HEXB: variants seen among roughly 807,000 people sequenced by gnomAD.
HEXB encodes the protein hexosaminidase subunit beta, also known as beta-hexosaminidase subunit beta.
A neutral mutation model predicts 71.2 loss-of-function variants in HEXB; 51 were observed. That is an observed-to-expected ratio of 0.72 (90% confidence interval 0.57 to 0.90). HEXB has a LOEUF of 0.90. Ranked by LOEUF, HEXB falls within the 40% of genes least tolerant of loss-of-function variation. The pLI is 0.00. For synonymous variants in HEXB, 266 were observed against 249.3 expected (o/e 1.07, Z -0.63); for missense variants, 617 against 677.0 (o/e 0.91, Z 0.98).
chr5:74,717,001 C>T (rs1426583190), intron 9 of HEXB, among the ~76,000 whole-genome samples: 2 of 152,072 alleles, frequency 1.3e-5, no homozygotes, highest in Admixed American at 1.3e-4. Context: ...ACCAGCCTGG[C>T]CAACATGGTG....
At chr5:74,713,133 A>G (rs1185591074) in intron 6 of HEXB, among the ~76,000 whole-genome samples, 2 of 152,204 alleles carry the variant, frequency 1.3e-5, no homozygotes, top group African/African-American at 2.4e-5. Context: ...AAACAGCATG[A>G]TAGTAGAAAC....
chr5:74,673,864 C>T (rs1237855666), intron 1 of HEXB, among the ~76,000 whole-genome samples: 4 of 152,292 alleles, frequency 2.6e-5, no homozygotes, highest in Admixed American at 1.3e-4. Flanking sequence ...CTTCAGCTCT[C>T]ACAAGGATTC....
chr5:74,700,321 C>A (rs1418052457), intron 5 of HEXB, among the ~76,000 whole-genome samples: 1 of 151,584 alleles, frequency 6.6e-6, no homozygotes. Context: ...AGTTTATTTT[C>A]TATGTTTATT....
At chr5:74,667,849 C>G (rs1748461612) in intron 1 of HEXB, among the ~76,000 whole-genome samples, 1 of 152,208 alleles carries the variant, frequency 6.6e-6, no homozygotes, top group Admixed American at 6.5e-5. Context: ...AGTCACTAAT[C>G]ATCCCTAAGT....
At chr5:74,658,540 G>T (rs1047245527) in intron 1 of HEXB, among the ~76,000 whole-genome samples, 10 of 151,984 alleles carry the variant, frequency 6.6e-5, no homozygotes, top group African/African-American at 2.4e-4. Flanking sequence ...GCTAAGATCA[G>T]CTAGGTGGGC....
intron 1 of HEXB, among the ~76,000 whole-genome samples, chr5:74,656,859 G>A (rs1200789865): frequency 3.9e-5 from 6 of 152,126 alleles, no homozygotes; most frequent in South Asian, 2.1e-4. Context: ...TGATCCACCC[G>A]CCTCAGCCTT....
At chr5:74,655,312 CTTTTTT>C (rs386404134) in intron 1 of HEXB, among the ~76,000 whole-genome samples, 3 of 125,130 alleles carry the variant, frequency 2.4e-5, no homozygotes, top group Non-Finnish European at 4.9e-5. Flanking sequence ...AAGCATTAAA[CTTTTTT>C]TTTTTTTTTT....
chr5:74,700,195 A>G (rs1749230044), intron 5 of HEXB, among the ~76,000 whole-genome samples: 1 of 150,880 alleles, frequency 6.6e-6, no homozygotes, highest in Non-Finnish European at 1.5e-5. Flanking sequence ...TTTAGTAGAG[A>G]CAGGGTTTTG....
At chr5:74,673,661 T>C (rs1481100762) in intron 1 of HEXB, among the ~76,000 whole-genome samples, 1 of 152,224 alleles carries the variant, frequency 6.6e-6, no homozygotes, top group Non-Finnish European at 1.5e-5. Context: ...TGTGATTGCA[T>C]GAGCCTTGAA....
intron 8 of HEXB, 107 bp from the exon 9 acceptor site, chr5:74,716,478 CTT>C: frequency 1.5e-6 from 1 of 660,558 alleles, no homozygotes; most frequent in Non-Finnish European, 2.7e-6. Flanking sequence ...TACCTACAAA[CTT>C]TAATAGTTTT....
Position 74,652,870 on chromosome 5 carries a change from T to A in HEXB, c.-377+12312T>A, listed in dbSNP as rs548495702. 2.6e-5 allele frequency among the ~76,000 whole-genome samples: 4 copies of A among 152,300 alleles called. No individual in the cohort carries two copies. The highest frequency in any genetic ancestry group is 7.2e-5 in the African/African-American group (3 of 41,546). On this transcript the variant is annotated intron_variant, in intron 1 of 13. Coordinates refer to the HEXB transcript ENST00000511181. The surrounding 1 kb of genome is among the most constrained non-coding windows in gnomAD (Gnocchi z 5.4). ...GGAGCAAGGGGGAAAAGCCTCCCTCTTGGGCGACTACACACATCTACGCTA... is the reference window on the plus strand; with the variant it reads ...GGAGCAAGGGGGAAAAGCCTCCCTCATGGGCGACTACACACATCTACGCTA...
intron 6 of HEXB, 116 bp from the exon 7 acceptor site, chr5:74,713,390 C>A: frequency 1.1e-6 from 1 of 934,956 alleles, no homozygotes; most frequent in Non-Finnish European, 1.7e-6. Context: ...GAAACTAATA[C>A]ATTGTCATAG....
chr5:74,716,240 C>CA (rs1228918585), intron 8 of HEXB, among the ~76,000 whole-genome samples: 5 of 151,302 alleles, frequency 3.3e-5, no homozygotes, highest in African/African-American at 7.3e-5. Context: ...AATGGAGATT[C>CA]AAAAAAAGAC....
rs1748147425 is a variant in HEXB at position 74,652,909 on chromosome 5, C to T, written c.-377+12351C>T. Among the ~76,000 whole-genome samples, 5 of 152,178 alleles carry T rather than the reference C, an allele frequency of 3.3e-5. No individual in the cohort carries two copies. ...ACATCTACGCTAGTGACACATATCC[C>T]TTTATATACCAGTCATTTTTAATGC... On this transcript the variant is annotated intron_variant, in intron 1 of 13. Coordinates refer to the HEXB transcript ENST00000511181. The surrounding 1 kb of genome is among the most constrained non-coding windows in gnomAD (Gnocchi z 5.4).
At chr5:74,714,401 A>G (rs1052065764) in intron 7 of HEXB, among the ~76,000 whole-genome samples, 1 of 152,260 alleles carries the variant, frequency 6.6e-6, no homozygotes. Flanking sequence ...AAATGGTTTC[A>G]TAGATGAGGT....
At chr5:74,706,591 C>A (rs1749397147) in intron 6 of HEXB, among the ~76,000 whole-genome samples, 3 of 152,202 alleles carry the variant, frequency 2.0e-5, no homozygotes, top group African/African-American at 4.8e-5. Flanking sequence ...TCACTCCCAC[C>A]CGAATACTGT....
rs1749735194 is a variant in HEXB, at chr5:74,718,712, G to A, written c.1243-85G>A. On this transcript the variant is annotated intron_variant, in intron 10 of 13. Coordinates refer to ENST00000261416, the MANE Select transcript of HEXB (RefSeq NM_000521.4). ...TTTTTTAAGGATCTTAGAAAATTAT[G>A]TTCCTAGTAATAATGCCTTAAACTT... is the stretch of plus-strand genomic sequence containing the variant. 2.3e-6 allele frequency: 3 copies of A among 1,312,544 alleles called. No individual in the cohort carries two copies. In the African/African-American group the frequency reaches 4.4e-5, roughly 19 times the overall value. The allele number at this position is 1,312,544 out of a possible 1,614,324, so 81.3% of individuals were successfully genotyped here.
chr5:74,660,432 A>G (rs1580363689), intron 1 of HEXB, among the ~76,000 whole-genome samples: 1 of 152,228 alleles, frequency 6.6e-6, no homozygotes, highest in Non-Finnish European at 1.5e-5. Context: ...GATATGGCTG[A>G]TGCCACCTCT....
intron 6 of HEXB, among the ~76,000 whole-genome samples, chr5:74,710,465 A>G (rs1337719015): frequency 2.6e-5 from 4 of 152,204 alleles, no homozygotes; most frequent in Admixed American, 1.3e-4. Flanking sequence ...AGGAAATAAA[A>G]GGTATTCAAT....
Sources: allele counts gnomAD v4.1 joint callset (sites outside exome capture counted in the v4.1 genomes callset), GRCh38; gene constraint gnomAD v4.1.1; non-coding constraint Gnocchi (gnomAD v3.1); transcripts MANE v1.5; gene names NCBI Gene and HGNC (gene_info 2026-07-23, HGNC 2026-07-21).